The following OSBPL8 variants were observed in gnomAD, a reference collection of about 807,000 sequenced individuals.
OSBPL8 encodes oxysterol-binding protein-related protein 8.
OSBPL8 carries 59 observed loss-of-function variants against 125.5 expected under a neutral mutation model. The observed-to-expected ratio is 0.47, with a 90% CI of 0.38 to 0.58. OSBPL8 has a LOEUF of 0.58. Ranked by LOEUF, OSBPL8 falls within the 20% of genes least tolerant of loss-of-function variation. The pLI, the probability that OSBPL8 is intolerant of heterozygous loss-of-function variation, is 0.00. For missense variants in OSBPL8, 758 were observed against 1,047.8 expected, an observed-to-expected ratio of 0.72 and a Z score of 3.82; for synonymous variants, 330 against 338.9, an observed-to-expected ratio of 0.97 and a Z score of 0.29.
intron 1 of OSBPL8, among the ~76,000 whole-genome samples, chr12:76,532,544 A>C (rs887870667): frequency 2.0e-5 from 3 of 152,160 alleles, no homozygotes; most frequent in African/African-American, 4.8e-5. Context: ...ATTTCTAAAA[A>C]TGTTATATCC....
chr12:76,461,673 C>T (rs1874754920), intron 2 of OSBPL8, among the ~76,000 whole-genome samples: 1 of 151,946 alleles, frequency 6.6e-6, no homozygotes, highest in African/African-American at 2.4e-5. Flanking sequence ...TCCTGACCTT[C>T]TGATCCGTCC....
chr12:76,410,425 T>C, intron 5 of OSBPL8, 139 bp downstream of exon 5: 1 of 573,890 alleles, frequency 1.7e-6, no homozygotes, highest in South Asian at 2.5e-5. Context: ...GGAACTTCAC[T>C]CTTTTAATAC....
chr12:76,423,782 C>T (rs1304331361), intron 4 of OSBPL8, among the ~76,000 whole-genome samples: 2 of 152,034 alleles, frequency 1.3e-5, no homozygotes, highest in Non-Finnish European at 2.9e-5. Context: ...TTCTTTCTTT[C>T]AATCTGAAAA....
At chr12:76,418,541 C>T (rs1035330191) in intron 4 of OSBPL8, among the ~76,000 whole-genome samples, 13 of 152,062 alleles carry the variant, frequency 8.5e-5, no homozygotes, top group African/African-American at 2.9e-4. Context: ...AACAACAGCA[C>T]ATATTCAGGT....
intron 6 of OSBPL8, among the ~76,000 whole-genome samples, chr12:76,400,445 G>T (rs1426094424): frequency 6.6e-6 from 1 of 152,156 alleles, no homozygotes; most frequent in Non-Finnish European, 1.5e-5. Flanking sequence ...ATTGTGAACA[G>T]TGCTGCAATG....
chr12:76,487,742 A>T (rs1275034945), intron 1 of OSBPL8, 124 bp from the exon 2 acceptor site: 18 of 341,040 alleles, frequency 5.3e-5, no homozygotes, highest in East Asian at 4.7e-5. Context: ...TTCAATAATT[A>T]AAAAAAAAAT....
At chr12:76,458,699 TA>T (rs57581094) in intron 3 of OSBPL8, among the ~76,000 whole-genome samples, 97 of 142,852 alleles carry the variant, frequency 6.8e-4, no homozygotes, top group Middle Eastern at 3.5e-3. Flanking sequence ...AAATAAGAAT[TA>T]AAAAAAAAAA....
chr12:76,486,784 C>A (rs1878181270), intron 2 of OSBPL8, among the ~76,000 whole-genome samples: 1 of 152,014 alleles, frequency 6.6e-6, no homozygotes. Context: ...CTGTTTCATT[C>A]CCACTATTAC....
At chr12:76,461,712 C>T (rs60516088) in intron 2 of OSBPL8, among the ~76,000 whole-genome samples, 7,019 of 152,200 alleles carry the variant, frequency 0.046, 584 homozygotes, top group African/African-American at 0.16. Flanking sequence ...GCTGGGATTA[C>T]AGGCATGAGC....
chr12:76,481,982 T>G (rs1408825534), intron 2 of OSBPL8, among the ~76,000 whole-genome samples: 1 of 152,220 alleles, frequency 6.6e-6, no homozygotes, highest in Non-Finnish European at 1.5e-5. Context: ...TCACCTAGTA[T>G]GTAAAAATCA....
chr12:76,501,706 T>C (rs1289933441), intron 1 of OSBPL8, among the ~76,000 whole-genome samples: 1 of 152,212 alleles, frequency 6.6e-6, no homozygotes, highest in African/African-American at 2.4e-5. Context: ...CTGACCTGGC[T>C]AGAGCCACCG....
At chr12:76,512,216 C>T (rs1033515150) in intron 1 of OSBPL8, among the ~76,000 whole-genome samples, 2 of 152,188 alleles carry the variant, frequency 1.3e-5, no homozygotes, top group Non-Finnish European at 2.9e-5. Flanking sequence ...TAAGAGAGAA[C>T]ATGCAGTATC....
intron 4 of OSBPL8, among the ~76,000 whole-genome samples, chr12:76,441,021 G>A (rs555190983): frequency 6.6e-6 from 1 of 152,138 alleles, no homozygotes; most frequent in East Asian, 1.9e-4. Context: ...ACTTTGCTAC[G>A]TTACTGGAAC....
At chr12:76,373,726 G>A (rs985536304) in intron 17 of OSBPL8, among the ~76,000 whole-genome samples, 1 of 6,938 alleles carries the variant, frequency 1.4e-4, no homozygotes, top group African/African-American at 1.7e-4. Context: ...CTCAAATCCT[G>A]TGTCCTCCCC....
chr12:76,501,818 G>A (rs1012638640), intron 1 of OSBPL8, among the ~76,000 whole-genome samples: 2 of 152,246 alleles, frequency 1.3e-5, no homozygotes, highest in African/African-American at 4.8e-5. Flanking sequence ...GGTAGATTAC[G>A]TTGAGCTGCT....
intron 1 of OSBPL8, among the ~76,000 whole-genome samples, chr12:76,552,097 G>T (rs1950956901): frequency 6.6e-6 from 1 of 152,102 alleles, no homozygotes. Context: ...CAACCCAGAA[G>T]TGACAACAAA....
chr12:76,416,358 T>C (rs1475192749), intron 4 of OSBPL8, among the ~76,000 whole-genome samples: 4 of 152,082 alleles, frequency 2.6e-5, no homozygotes, highest in East Asian at 1.9e-4. Context: ...ATATACCATA[T>C]GTATTAGATA....
intron 1 of OSBPL8, among the ~76,000 whole-genome samples, chr12:76,543,870 A>C (rs1950710867): frequency 6.6e-6 from 1 of 152,236 alleles, no homozygotes; most frequent in Admixed American, 6.5e-5. Flanking sequence ...GGATAACCAC[A>C]AATTACATAA....
In OSBPL8 at chr12:76,536,473, ATAGT is replaced by A. The variant is rs575599529; in HGVS notation, c.-68+22920_-68+22923del. On this transcript the variant is annotated intron_variant, in intron 1 of 23. Coordinates refer to ENST00000261183, the MANE Select transcript of OSBPL8 (RefSeq NM_020841.5). ...AGGATAGCTGTAAAAAATAGATGAG[ATAGT>A]TAATCTTATCACTGTACTACTTAAC... Among the ~76,000 whole-genome samples the A allele has an allele frequency of 6.3e-3, 964 of 152,294 alleles. 11 individuals are homozygous for A. Among genetic ancestry groups the A allele is most frequent in the African/African-American group, 0.022 (931 of 41,564 alleles).
Sources: allele counts gnomAD v4.1 joint callset (sites outside exome capture counted in the v4.1 genomes callset), GRCh38; gene constraint gnomAD v4.1.1; transcripts MANE v1.5; gene names NCBI Gene and HGNC (gene_info 2026-07-23, HGNC 2026-07-21).